The following AGMO variants were observed in gnomAD, a reference collection of about 807,000 sequenced individuals.
AGMO encodes the protein glyceryl-ether monooxygenase.
In AGMO, 75 loss-of-function variants were observed where a neutral mutation model predicts 60.2. The ratio of observed to expected loss-of-function variants is 1.25; its 90% CI spans 1.03 to 1.51. AGMO has a LOEUF of 1.51. Ranked by LOEUF, AGMO falls within the 40% of genes most tolerant of loss-of-function variation. The pLI, the probability that AGMO is intolerant of heterozygous loss-of-function variation, is 0.00. For synonymous variants in AGMO, 261 were observed against 177.1 expected (o/e 1.47, Z -3.76); for missense variants, 763 against 525.5 (o/e 1.45, Z -4.42).
intron 12 of AGMO, among the ~76,000 whole-genome samples, chr7:15,283,115 T>C (rs368881639): frequency 1.3e-5 from 2 of 152,008 alleles, no homozygotes; most frequent in Non-Finnish European, 2.9e-5. Flanking sequence ...AAAAGTCCTA[T>C]ATGAAACATA....
At chr7:15,519,707 A>G (rs761186651) in intron 3 of AGMO, among the ~76,000 whole-genome samples, 2 of 152,194 alleles carry the variant, frequency 1.3e-5, no homozygotes, top group Non-Finnish European at 2.9e-5. Context: ...AAAGCATACC[A>G]AAATGTAAAG....
At chr7:15,549,235 A>G (rs1392554649) in intron 2 of AGMO, among the ~76,000 whole-genome samples, 2 of 145,046 alleles carry the variant, frequency 1.4e-5, no homozygotes, top group African/African-American at 5.2e-5. Context: ...AAGACCATCG[A>G]GACTAGGAAG....
At chr7:15,389,004 A>T (rs1008464750) in intron 8 of AGMO, among the ~76,000 whole-genome samples, 1 of 152,196 alleles carries the variant, frequency 6.6e-6, no homozygotes, top group Admixed American at 6.5e-5. Flanking sequence ...CATTCCTCTC[A>T]AAATACTAAT....
chr7:15,461,978 A>C (rs1040478612), intron 3 of AGMO, among the ~76,000 whole-genome samples: 1 of 152,182 alleles, frequency 6.6e-6, no homozygotes, highest in African/African-American at 2.4e-5. Context: ...AATAATTCAT[A>C]ATATTTCTTC....
At chr7:15,373,207 G>A (rs77080390) in intron 10 of AGMO, among the ~76,000 whole-genome samples, 1,683 of 152,104 alleles carry the variant, frequency 0.011, 31 homozygotes, top group Non-Finnish European at 0.016. Flanking sequence ...GAAACTGGGA[G>A]GAGGTGGTTT....
chr7:15,216,178 A>C (rs1228314809), intron 12 of AGMO, among the ~76,000 whole-genome samples: 1 of 152,068 alleles, frequency 6.6e-6, no homozygotes, highest in Non-Finnish European at 1.5e-5. Flanking sequence ...TAGTGTATTT[A>C]AAAGCTGGAA....
intron 10 of AGMO, among the ~76,000 whole-genome samples, chr7:15,367,946 C>A (rs1783049312): frequency 1.3e-5 from 2 of 152,084 alleles, no homozygotes; most frequent in African/African-American, 4.8e-5. Flanking sequence ...ACAAAAGCCA[C>A]CAGTCACAAT....
chr7:15,119,597 G>A, the AGMO span, among the ~76,000 whole-genome samples: 4 of 152,206 alleles, frequency 2.6e-5, no homozygotes, highest in East Asian at 3.9e-4. Context: ...TATATCCAAT[G>A]TATTAATCCC....
chr7:15,309,325 A>C (rs941199786), intron 12 of AGMO, among the ~76,000 whole-genome samples: 1 of 152,158 alleles, frequency 6.6e-6, no homozygotes, highest in African/African-American at 2.4e-5. Flanking sequence ...AGTAGGTACC[A>C]ATAAAAAAGA....
At chr7:15,503,400 G>A (rs1018957699) in intron 3 of AGMO, among the ~76,000 whole-genome samples, 2 of 151,992 alleles carry the variant, frequency 1.3e-5, no homozygotes, top group East Asian at 1.9e-4. Flanking sequence ...ACAGAGCAGG[G>A]ATTTGAGAAT....
chr7:15,307,731 A>T (rs1163185395), intron 12 of AGMO, among the ~76,000 whole-genome samples: 1 of 151,990 alleles, frequency 6.6e-6, no homozygotes, highest in Non-Finnish European at 1.5e-5. Flanking sequence ...TGAGATTTGG[A>T]TATCTCACAG....
At chr7:15,129,055 T>G in the AGMO span, among the ~76,000 whole-genome samples, 1 of 152,050 alleles carries the variant, frequency 6.6e-6, no homozygotes, top group Admixed American at 6.6e-5. Context: ...TCCTATGTGA[T>G]TAGTTGGGAA....
chr7:15,179,672 A>T, the AGMO span, among the ~76,000 whole-genome samples: 147 of 152,130 alleles, frequency 9.7e-4, no homozygotes, highest in African/African-American at 3.5e-3. Flanking sequence ...CCCTACTCTC[A>T]TGACTCCTCT....
At chr7:15,451,325 T>C (rs1781850360) in intron 3 of AGMO, among the ~76,000 whole-genome samples, 1 of 152,214 alleles carries the variant, frequency 6.6e-6, no homozygotes, top group African/African-American at 2.4e-5. Context: ...GATTCCAATC[T>C]TTATAAAATT....
chr7:15,486,413 T>A (rs1278742398), intron 3 of AGMO, among the ~76,000 whole-genome samples: 1 of 152,166 alleles, frequency 6.6e-6, no homozygotes, highest in African/African-American at 2.4e-5. Flanking sequence ...AGTGACAATA[T>A]CTGGTAAACA....
the AGMO span, among the ~76,000 whole-genome samples, chr7:15,173,522 T>G: frequency 6.6e-6 from 1 of 151,834 alleles, no homozygotes; most frequent in East Asian, 1.9e-4. Context: ...CCCTCGATCA[T>G]CACCATGAGA....
chr7:15,524,325 A>G (rs201303140), intron 3 of AGMO, among the ~76,000 whole-genome samples: 1 of 152,152 alleles, frequency 6.6e-6, no homozygotes, highest in Non-Finnish European at 1.5e-5. Context: ...TAGATTTTTT[A>G]AAATCATGAT....
At chr7:15,492,936 A>T (rs1327716849) in intron 3 of AGMO, among the ~76,000 whole-genome samples, 1 of 152,182 alleles carries the variant, frequency 6.6e-6, no homozygotes, top group Admixed American at 6.5e-5. Flanking sequence ...CCTTGACGCC[A>T]TCACTTTCGT....
the AGMO span, among the ~76,000 whole-genome samples, chr7:15,163,793 GT>G: frequency 4.7e-5 from 7 of 148,878 alleles, no homozygotes; most frequent in Non-Finnish European, 1.0e-4. Flanking sequence ...TTTTTTTATT[GT>G]TGTGCCCTTG....
Sources: allele counts gnomAD v4.1 joint callset (sites outside exome capture counted in the v4.1 genomes callset), GRCh38; gene constraint gnomAD v4.1.1; transcripts MANE v1.5; gene names NCBI Gene and HGNC (gene_info 2026-07-23, HGNC 2026-07-21).